PRKG1: variants seen among roughly 807,000 people sequenced by gnomAD.
The protein encoded by PRKG1 is protein kinase cGMP-dependent 1.
A neutral mutation model predicts 88.1 loss-of-function variants in PRKG1; 35 were observed. That is an observed-to-expected ratio of 0.40 (90% CI 0.30 to 0.53). PRKG1 has a LOEUF of 0.53. PRKG1 is among the 20% of genes least tolerant of loss of function. PRKG1 has a pLI of 0.59. For missense variants in PRKG1, 540 were observed against 839.8 expected (o/e 0.64, Z 4.41); for synonymous variants, 303 against 292.5 (o/e 1.04, Z -0.37).
intron 3 of PRKG1, among the ~76,000 whole-genome samples, chr10:51,624,530 G>A (rs1178763770): frequency 6.6e-6 from 1 of 152,032 alleles, no homozygotes; most frequent in African/African-American, 2.4e-5. Context: ...CTTTCTGTCT[G>A]GCATAATCTT....
intron 5 of PRKG1, among the ~76,000 whole-genome samples, chr10:51,982,714 T>C (rs905618876): frequency 2.6e-4 from 40 of 152,314 alleles, no homozygotes; most frequent in Admixed American, 1.1e-3. Context: ...TGGACCACTG[T>C]TCACTATACT....
chr10:52,162,011 G>C (rs1016766841), intron 9 of PRKG1, 48 bp downstream of exon 9: 2 of 1,497,622 alleles, frequency 1.3e-6, no homozygotes, highest in African/African-American at 2.8e-5. Flanking sequence ...ATTTTGAATA[G>C]AAATAAGATC....
At chr10:51,498,301 G>A (rs1439959933) in intron 3 of PRKG1, among the ~76,000 whole-genome samples, 1 of 152,112 alleles carries the variant, frequency 6.6e-6, no homozygotes, top group Non-Finnish European at 1.5e-5. Context: ...TTGGCTTTTA[G>A]AAATAATCAC....
chr10:52,009,943 T>C (rs1257258608), intron 5 of PRKG1, among the ~76,000 whole-genome samples: 2 of 152,136 alleles, frequency 1.3e-5, no homozygotes, highest in African/African-American at 4.8e-5. Context: ...ATTCAATAAA[T>C]GGTGCTGGGA....
chr10:51,910,675 A>T (rs1192031534), intron 5 of PRKG1: 1 of 152,144 alleles, frequency 6.6e-6, no homozygotes, highest in Non-Finnish European at 1.5e-5. Context: ...ACCTGGATTC[A>T]CTTTCCAGGT....
chr10:51,834,826 C>T (rs1438187053), intron 4 of PRKG1, among the ~76,000 whole-genome samples: 1 of 151,926 alleles, frequency 6.6e-6, no homozygotes, highest in South Asian at 2.1e-4. Flanking sequence ...GGGGGTACGT[C>T]CACACCCAAG....
chr10:51,681,305 G>C (rs923340262), intron 3 of PRKG1, among the ~76,000 whole-genome samples: 3 of 152,010 alleles, frequency 2.0e-5, no homozygotes, highest in African/African-American at 4.8e-5. Flanking sequence ...ATTTTATATA[G>C]AATATTAAAT....
At chr10:51,863,683 G>A (rs1353651860) in intron 4 of PRKG1, among the ~76,000 whole-genome samples, 2 of 152,076 alleles carry the variant, frequency 1.3e-5, no homozygotes, top group Non-Finnish European at 2.9e-5. Context: ...CCATGAGATG[G>A]TAGAGCAAGA....
intron 4 of PRKG1, among the ~76,000 whole-genome samples, chr10:51,816,252 G>A (rs1839581834): frequency 6.6e-6 from 1 of 152,060 alleles, no homozygotes; most frequent in Non-Finnish European, 1.5e-5. Flanking sequence ...TTAATACATT[G>A]ATTCATTATG....
intron 9 of PRKG1, among the ~76,000 whole-genome samples, chr10:52,178,931 GTT>G (rs557974500): frequency 2.9e-4 from 41 of 139,380 alleles, no homozygotes; most frequent in African/African-American, 1.0e-3. Context: ...GTTGGGTGTT[GTT>G]TTTTTTTTTC....
chr10:51,594,306 A>G (rs12248898), intron 3 of PRKG1, among the ~76,000 whole-genome samples: 10,909 of 152,150 alleles, frequency 0.072, 1,282 homozygotes, highest in African/African-American at 0.25. Context: ...GGGATTACAG[A>G]ATTGAGCCAC....
rs1347652781 is a variant in PRKG1 at position 51,647,326 on chromosome 10, A to G, written c.593-157259A>G. ...TTTTCAGACACTTTTCTTCATCAAT[A>G]TAATTGAGACAAAAAGACTCACATT... On this transcript the variant is annotated intron_variant, in intron 3 of 17. Coordinates refer to ENST00000373980, the MANE Select transcript of PRKG1 (RefSeq NM_006258.4). 2.6e-5 allele frequency among the ~76,000 whole-genome samples: 4 copies of G among 152,256 alleles called. No homozygotes were observed. The East Asian group carries it at 7.7e-4, about 29-fold the overall frequency.
chr10:51,284,443 T>C (rs916687775), intron 2 of PRKG1, among the ~76,000 whole-genome samples: 22 of 152,250 alleles, frequency 1.4e-4, no homozygotes, highest in African/African-American at 5.1e-4. Flanking sequence ...CAGGGCCGAT[T>C]TTCCTCTACG....
At chr10:52,233,196 A>AAAG (rs1202218594) in intron 9 of PRKG1, among the ~76,000 whole-genome samples, 4 of 150,332 alleles carry the variant, frequency 2.7e-5, no homozygotes, top group East Asian at 1.9e-4. Flanking sequence ...AAAAAAAAAA[A>AAAG]AGAGAGAGAG....
chr10:51,011,387 T>C (rs960405456), intron 1 of PRKG1, among the ~76,000 whole-genome samples: 1 of 152,070 alleles, frequency 6.6e-6, no homozygotes, highest in Admixed American at 6.6e-5. Flanking sequence ...TCTTGTTCCA[T>C]GGTGGGTAAA....
At chr10:51,396,435 G>T (rs1837579413) in intron 2 of PRKG1, among the ~76,000 whole-genome samples, 1 of 152,012 alleles carries the variant, frequency 6.6e-6, no homozygotes, top group African/African-American at 2.4e-5. Context: ...AGTTGTATTG[G>T]ATCATTTCTA....
At chr10:51,197,085 T>C (rs1025842921) in intron 2 of PRKG1, among the ~76,000 whole-genome samples, 1 of 152,130 alleles carries the variant, frequency 6.6e-6, no homozygotes, top group African/African-American at 2.4e-5. Flanking sequence ...ATGGCTTTAA[T>C]TGGTACAGTA....
chr10:51,385,745 G>A (rs1290637399), intron 2 of PRKG1, among the ~76,000 whole-genome samples: 1 of 152,134 alleles, frequency 6.6e-6, no homozygotes, highest in Non-Finnish European at 1.5e-5. Context: ...CTCTGAAATA[G>A]TAACCTGATG....
chr10:51,556,273 A>G (rs1186579094), intron 3 of PRKG1, among the ~76,000 whole-genome samples: 1 of 152,084 alleles, frequency 6.6e-6, no homozygotes, highest in African/African-American at 2.4e-5. Flanking sequence ...CTGATAATAA[A>G]ATTTGAAAGA....
Sources: allele counts gnomAD v4.1 joint callset (sites outside exome capture counted in the v4.1 genomes callset), GRCh38; gene constraint gnomAD v4.1.1; transcripts MANE v1.5; gene names NCBI Gene and HGNC (gene_info 2026-07-23, HGNC 2026-07-21).